DPP10: variants seen among roughly 807,000 people sequenced by gnomAD.
DPP10 encodes the protein inactive dipeptidyl peptidase 10.
DPP10 carries 33 observed loss-of-function variants against 120.9 expected under a neutral mutation model. That is an observed-to-expected ratio of 0.27 (90% CI 0.21 to 0.37). The LOEUF (loss-of-function observed/expected upper bound fraction) is 0.37, where lower values mean the gene tolerates loss of function less well. Among genes scored for constraint, DPP10 ranks in the 10% least tolerant of loss-of-function variants. DPP10 has a pLI of 1.00. For synonymous variants in DPP10, 337 were observed against 326.1 expected, an observed-to-expected ratio of 1.03 and a Z score of -0.36; for missense variants, 816 against 942.8, an observed-to-expected ratio of 0.87 and a Z score of 1.76.
intron 1 of DPP10, among the ~76,000 whole-genome samples, chr2:115,121,199 A>T (rs533193415): frequency 1.3e-4 from 20 of 152,344 alleles, no homozygotes; most frequent in Non-Finnish European, 2.5e-4. Context: ...CCCATCCCAA[A>T]GGGGTGTGGG....
intron 3 of DPP10, among the ~76,000 whole-genome samples, chr2:115,408,773 G>A (rs2068719962): frequency 1.3e-5 from 2 of 152,006 alleles, no homozygotes; most frequent in South Asian, 4.2e-4. Context: ...GAATAAAGAT[G>A]GAAACACAAA....
chr2:114,804,038 C>T (rs1684505791), intron 1 of DPP10, among the ~76,000 whole-genome samples: 2 of 152,180 alleles, frequency 1.3e-5, no homozygotes, highest in East Asian at 1.9e-4. Context: ...CTCTGTGCAG[C>T]CTAGGGACTT....
At chr2:115,374,131 A>G (rs11898436) in intron 3 of DPP10, among the ~76,000 whole-genome samples, 103,029 of 151,908 alleles carry the variant, frequency 0.68, 35,264 homozygotes, top group Admixed American at 0.75. Context: ...TGTCCTTCTC[A>G]CATTTCAAAA....
At chr2:115,108,796 T>A (rs934918801) in intron 1 of DPP10, among the ~76,000 whole-genome samples, 3 of 152,182 alleles carry the variant, frequency 2.0e-5, no homozygotes, top group Non-Finnish European at 4.4e-5. Context: ...GGTCCAAAAA[T>A]CTCACTGACA....
intron 1 of DPP10, among the ~76,000 whole-genome samples, chr2:114,805,526 A>G (rs1229129717): frequency 6.6e-6 from 1 of 152,210 alleles, no homozygotes; most frequent in Non-Finnish European, 1.5e-5. Flanking sequence ...AACCTAATAT[A>G]AACAAACACT....
At chr2:115,504,275 CTTTTT>C (rs5833604) in intron 4 of DPP10, among the ~76,000 whole-genome samples, 1 of 131,614 alleles carries the variant, frequency 7.6e-6, no homozygotes, top group African/African-American at 2.8e-5. Flanking sequence ...CTATTGCCAA[CTTTTT>C]TTTTTTTTTT....
chr2:115,067,374 C>G (rs968930146), intron 1 of DPP10, among the ~76,000 whole-genome samples: 5 of 151,628 alleles, frequency 3.3e-5, no homozygotes, highest in Non-Finnish European at 5.9e-5. Flanking sequence ...GCCTCAGCCT[C>G]CCGAGTAGCT....
intron 3 of DPP10, among the ~76,000 whole-genome samples, chr2:115,415,751 G>C (rs2104622351): frequency 6.7e-6 from 1 of 148,338 alleles, no homozygotes; most frequent in Admixed American, 6.8e-5. Flanking sequence ...ATTTACATAT[G>C]TATATGTAAA....
chr2:115,576,848 C>A (rs528444956), intron 5 of DPP10, among the ~76,000 whole-genome samples: 18 of 152,320 alleles, frequency 1.2e-4, no homozygotes, highest in African/African-American at 4.1e-4. Context: ...GAAAATGAGA[C>A]AATACAGAGT....
chr2:114,925,960 G>C (rs1045781452), intron 1 of DPP10, among the ~76,000 whole-genome samples: 2 of 152,094 alleles, frequency 1.3e-5, no homozygotes, highest in Admixed American at 1.3e-4. Flanking sequence ...TCATGTCCCA[G>C]GTACAGAGAT....
chr2:115,228,247 C>G (rs1290628253), intron 1 of DPP10, among the ~76,000 whole-genome samples: 1 of 151,898 alleles, frequency 6.6e-6, no homozygotes, highest in African/African-American at 2.4e-5. Context: ...GCACCCGGCC[C>G]TATACATGGG....
intron 1 of DPP10, among the ~76,000 whole-genome samples, chr2:114,526,580 A>G (rs146281217): frequency 1.6e-3 from 250 of 152,262 alleles, no homozygotes; most frequent in African/African-American, 5.5e-3. Flanking sequence ...AGAAAAAAAC[A>G]GTTATTTCTT....
At chr2:114,656,927 A>G (rs898832888) in intron 1 of DPP10, among the ~76,000 whole-genome samples, 1 of 152,142 alleles carries the variant, frequency 6.6e-6, no homozygotes, top group African/African-American at 2.4e-5. Flanking sequence ...AAAACTAAAA[A>G]TAAAAATAAA....
chr2:114,586,595 G>A (rs964262456), intron 1 of DPP10, among the ~76,000 whole-genome samples: 2 of 152,170 alleles, frequency 1.3e-5, no homozygotes, highest in African/African-American at 4.8e-5. Context: ...AAGTTGTCTG[G>A]TTCCTAAAGT....
intron 1 of DPP10, among the ~76,000 whole-genome samples, chr2:114,742,724 G>C (rs1241331172): frequency 6.6e-6 from 1 of 152,284 alleles, no homozygotes; most frequent in South Asian, 2.1e-4. Flanking sequence ...TGATCGAACA[G>C]CAACACTGTG....
chr2:114,804,572 C>G (rs1400896676), intron 1 of DPP10, among the ~76,000 whole-genome samples: 1 of 152,158 alleles, frequency 6.6e-6, no homozygotes, highest in Non-Finnish European at 1.5e-5. Flanking sequence ...GATGTGAGAC[C>G]TGGAGTCAAA....
intron 2 of DPP10, among the ~76,000 whole-genome samples, chr2:115,335,738 A>G (rs1033828896): frequency 2.6e-5 from 4 of 152,016 alleles, no homozygotes; most frequent in Admixed American, 1.3e-4. Context: ...TGTTATTTCA[A>G]TCAGCTAGTC....
intron 1 of DPP10, among the ~76,000 whole-genome samples, chr2:114,907,436 G>A (rs1040341611): frequency 6.6e-6 from 1 of 151,930 alleles, no homozygotes; most frequent in Non-Finnish European, 1.5e-5. Context: ...AGAATTTACA[G>A]CTATATATTT....
chr2:115,230,409 C>G (rs2057679386), intron 1 of DPP10, among the ~76,000 whole-genome samples: 1 of 151,896 alleles, frequency 6.6e-6, no homozygotes, highest in Non-Finnish European at 1.5e-5. Context: ...CCCTTCAGTT[C>G]TTTCTCTTGT....
Sources: allele counts gnomAD v4.1 joint callset (sites outside exome capture counted in the v4.1 genomes callset), GRCh38; gene constraint gnomAD v4.1.1; transcripts MANE v1.5; gene names NCBI Gene and HGNC (gene_info 2026-07-23, HGNC 2026-07-21).